Variants in NTRK3 observed in about 807,000 individuals in gnomAD.
NTRK3 encodes neurotrophic receptor tyrosine kinase 3.
Under a neutral mutation model 91.7 loss-of-function variants are expected in NTRK3, and 24 were observed. The ratio of observed to expected loss-of-function variants is 0.26; its 90% CI spans 0.19 to 0.37. The LOEUF is 0.37. NTRK3 is among the 10% of genes least tolerant of loss of function. The probability of loss-of-function intolerance (pLI) is 1.00; values close to 1 mark genes in which losing one functional copy is unlikely to be tolerated. For synonymous variants in NTRK3, 483 were observed against 404.0 expected (o/e 1.20, Z -2.34); for missense variants, 880 against 1,068.9 (o/e 0.82, Z 2.46).
chr15:88,146,566 C>G (rs148975090), intron 6 of NTRK3, among the ~76,000 whole-genome samples: 2 of 152,160 alleles, frequency 1.3e-5, no homozygotes, highest in African/African-American at 4.8e-5. Context: ...CGATGAATCA[C>G]TCATCAACAT....
At chr15:88,227,436 G>T (rs896388301) in intron 3 of NTRK3, among the ~76,000 whole-genome samples, 1 of 152,166 alleles carries the variant, frequency 6.6e-6, no homozygotes, top group African/African-American at 2.4e-5. Flanking sequence ...TCATTAGGAT[G>T]GGCCTTAATC....
Position 87,904,721 on chromosome 15 carries a change from G to C in NTRK3, c.2134-24293C>G, listed in dbSNP as rs143143179. Among the ~76,000 whole-genome samples, 8 of 152,272 alleles carry C rather than the reference G, an allele frequency of 5.3e-5. No individual in the cohort carries two copies. In the East Asian group the frequency reaches 1.5e-3, roughly 29 times the overall value. The stretch of plus-strand genomic sequence containing the variant: ...GTGTGAGTGGCAGGGCGGCCCATAT[G>C]TAACCAGAAAAAGAATGACTATCCT... On this transcript the variant is annotated intron_variant, in intron 17 of 18. Coordinates refer to ENST00000394480, the Ensembl canonical transcript of NTRK3.
chr15:88,073,023 C>T (rs2047224100), intron 13 of NTRK3: 1 of 195,722 alleles, frequency 5.1e-6, no homozygotes, highest in East Asian at 8.0e-5. Context: ...AAATGGGGCT[C>T]AGGTAGCTTG....
intron 14 of NTRK3, among the ~76,000 whole-genome samples, chr15:87,961,838 G>C (rs2072325961): frequency 6.6e-6 from 1 of 152,248 alleles, no homozygotes; most frequent in African/African-American, 2.4e-5. Context: ...CCCATTGCAA[G>C]GAAAGCAATG....
At chr15:87,966,495 G>A (rs1033253289) in intron 14 of NTRK3, among the ~76,000 whole-genome samples, 4 of 152,058 alleles carry the variant, frequency 2.6e-5, no homozygotes, top group Non-Finnish European at 5.9e-5. Context: ...GGGGTCTCGC[G>A]TACATATGTG....
intron 3 of NTRK3, among the ~76,000 whole-genome samples, chr15:88,253,650 G>T (rs74027931): frequency 0.15 from 22,521 of 152,226 alleles, 2,064 homozygotes; most frequent in African/African-American, 0.25. Context: ...CCTGCCACTG[G>T]CACAGCTCCT....
chr15:87,985,498 T>C (rs1384935223), intron 14 of NTRK3, among the ~76,000 whole-genome samples: 1 of 152,206 alleles, frequency 6.6e-6, no homozygotes, highest in Admixed American at 6.5e-5. Context: ...GTATACTGTG[T>C]AGCTAAGAGT....
Position 88,056,112 on chromosome 15 carries a change from G to A in NTRK3, c.1397-23067C>T, listed in dbSNP as rs534807158. ...GGTTCTGCTGGTTAAGCCTCCTGGA[G>A]CTCTCAACTGAACAAATCAGTTAGG... On this transcript the variant is annotated intron_variant, in intron 13 of 18. Transcript: ENST00000394480. Among the ~76,000 whole-genome samples the A allele has an allele frequency of 2.0e-5, 3 of 150,464 alleles. No individual in the cohort carries two copies. In the East Asian group the frequency reaches 5.9e-4, roughly 29 times the overall value.
intron 14 of NTRK3, among the ~76,000 whole-genome samples, chr15:87,990,939 T>A (rs985587138): frequency 3.9e-5 from 6 of 152,140 alleles, no homozygotes; most frequent in African/African-American, 1.4e-4. Flanking sequence ...AACCCTAACC[T>A]CCACTGTTTT....
At chr15:87,982,972 C>T (rs2074420507) in intron 14 of NTRK3, among the ~76,000 whole-genome samples, 2 of 152,246 alleles carry the variant, frequency 1.3e-5, no homozygotes, top group South Asian at 4.1e-4. Flanking sequence ...TGGATTCTCA[C>T]AGACCTCTCC....
chr15:88,075,242 G>C (rs988206069), intron 13 of NTRK3, among the ~76,000 whole-genome samples: 5 of 152,116 alleles, frequency 3.3e-5, no homozygotes, highest in Non-Finnish European at 5.9e-5. Context: ...AAGCCCACCC[G>C]AGGGCCTGAG....
chr15:87,906,895 C>T (rs1379666053), intron 17 of NTRK3, among the ~76,000 whole-genome samples: 6 of 152,036 alleles, frequency 3.9e-5, no homozygotes, highest in Admixed American at 3.9e-4. Flanking sequence ...TTTTATCTCC[C>T]TCAGTAAGGG....
At chr15:88,042,144 C>T (rs1220915514) in intron 13 of NTRK3, among the ~76,000 whole-genome samples, 1 of 152,086 alleles carries the variant, frequency 6.6e-6, no homozygotes, top group East Asian at 1.9e-4. Context: ...GCGAGAGCTT[C>T]GCATCAACAA....
intron 3 of NTRK3, among the ~76,000 whole-genome samples, chr15:88,213,769 C>A (rs965645639): frequency 6.6e-6 from 1 of 152,138 alleles, no homozygotes; most frequent in African/African-American, 2.4e-5. Flanking sequence ...CCTAAGGTCA[C>A]ACAGCTTAAG....
intron 14 of NTRK3, among the ~76,000 whole-genome samples, chr15:87,970,349 A>C (rs2073151143): frequency 6.6e-6 from 1 of 152,226 alleles, no homozygotes; most frequent in Non-Finnish European, 1.5e-5. Flanking sequence ...TCTATCCATC[A>C]GCAACCAGAA....
chr15:88,137,474 G>A (rs754696733), exon 7 of NTRK3: 1 of 1,614,064 alleles, frequency 6.2e-7, no homozygotes, highest in African/African-American at 1.3e-5. Flanking sequence ...AGAGGTTCTG[G>A]CTGTTGAGCT....
intron 12 of NTRK3, 27 bp downstream of exon 12, chr15:88,127,135 A>G: frequency 6.3e-7 from 1 of 1,595,700 alleles, no homozygotes; most frequent in Non-Finnish European, 8.6e-7. Context: ...CAGTCAACAC[A>G]CTCCTCTTGA....
intron 3 of NTRK3, among the ~76,000 whole-genome samples, chr15:88,230,692 A>T (rs1279622270): frequency 6.6e-6 from 1 of 152,178 alleles, no homozygotes; most frequent in Admixed American, 6.5e-5. Flanking sequence ...CTACCTACAG[A>T]CCTGGTGAGA....
intron 5 of NTRK3, among the ~76,000 whole-genome samples, chr15:88,153,153 A>T (rs769618652): frequency 2.0e-5 from 3 of 152,184 alleles, no homozygotes; most frequent in Non-Finnish European, 4.4e-5. Context: ...TATTTCTTTC[A>T]TCCACAAAGA....
Sources: allele counts gnomAD v4.1 joint callset (sites outside exome capture counted in the v4.1 genomes callset), GRCh38; gene constraint gnomAD v4.1.1; transcripts MANE v1.5; gene names NCBI Gene and HGNC (gene_info 2026-07-23, HGNC 2026-07-21).